Variants in PRKCB observed in about 807,000 individuals in gnomAD.
PRKCB encodes the protein protein kinase C beta, also known as protein kinase C beta type.
PRKCB carries 13 observed loss-of-function variants against 81.5 expected under a neutral mutation model. The ratio of observed to expected loss-of-function variants is 0.16; its 90% CI spans 0.10 to 0.25. The LOEUF is 0.25. PRKCB is among the 10% of genes least tolerant of loss of function. The probability of loss-of-function intolerance (pLI) is 1.00; values close to 1 mark genes in which losing one functional copy is unlikely to be tolerated. For missense variants in PRKCB, 509 were observed against 875.7 expected (o/e 0.58, Z 5.29); for synonymous variants, 335 against 321.4 (o/e 1.04, Z -0.45).
intron 7 of PRKCB, among the ~76,000 whole-genome samples, chr16:24,100,255 T>A (rs1966488937): frequency 6.6e-6 from 1 of 151,634 alleles, no homozygotes. Context: ...TTTTCTTAGA[T>A]CCTCTTGGCC....
chr16:24,074,446 G>A (rs577910788), intron 5 of PRKCB, among the ~76,000 whole-genome samples: 1 of 152,170 alleles, frequency 6.6e-6, no homozygotes, highest in African/African-American at 2.4e-5. Flanking sequence ...ACATCATAAG[G>A]TTCTTGTAAG....
At chr16:23,902,782 C>CT (rs2141723877) in intron 2 of PRKCB, among the ~76,000 whole-genome samples, 22 of 94,288 alleles carry the variant, frequency 2.3e-4, no homozygotes, top group African/African-American at 6.5e-4. Flanking sequence ...TCCTTCCTTC[C>CT]TCCCTCCCTC....
chr16:24,001,631 C>T lies in PRKCB; in HGVS notation c.288+13041C>T, dbSNP rs746121191. Among the ~76,000 whole-genome samples, 36 of 151,972 alleles carry T rather than the reference C, an allele frequency of 2.4e-4. No individual in the cohort carries two copies. The Middle Eastern group carries it at 0.01, about 43-fold the overall frequency. On this transcript the variant is annotated intron_variant, in intron 3 of 16. Coordinates refer to ENST00000643927, the MANE Select transcript of PRKCB (RefSeq NM_002738.7). ...TTGAAAACCAGAATAGGCAAATAAC[C>T]GAGAAAGAAATGAAAACATTATTCA... is the stretch of plus-strand genomic sequence containing the variant.
At chr16:23,981,725 T>TC (rs1964711577) in intron 2 of PRKCB, among the ~76,000 whole-genome samples, 1 of 56,698 alleles carries the variant, frequency 1.8e-5, no homozygotes. Context: ...CCCTTCCCCT[T>TC]CCCTTCCCCT....
In PRKCB at chr16:24,109,854, C is replaced by T. The variant is rs572390580; in HGVS notation, c.822-3119C>T. Among the ~76,000 whole-genome samples, 1,285 of 130,282 alleles carry T rather than the reference C, an allele frequency of 9.9e-3. 37 individuals are homozygous for T. Among genetic ancestry groups the T allele is most frequent in the African/African-American group, 0.044 (1,207 of 27,706 alleles). The allele number at this position is 130,282 out of a possible 152,430, so 85.5% of individuals were successfully genotyped here. A position where few individuals can be genotyped will look rare whatever the true frequency, so the allele number is the denominator to read the frequency against. On this transcript the variant is annotated intron_variant, in intron 7 of 16. Coordinates refer to ENST00000643927, the MANE Select transcript of PRKCB (RefSeq NM_002738.7). The stretch of plus-strand genomic sequence containing the variant: ...GTGAACGAGACTCCATCTGCAATCC[C>T]GGCACCTCAGGAGGCCGAGGCTGGT...
intron 5 of PRKCB, among the ~76,000 whole-genome samples, chr16:24,045,072 G>A (rs910789006): frequency 2.0e-5 from 3 of 152,010 alleles, no homozygotes; most frequent in Non-Finnish European, 2.9e-5. Context: ...TTTTCATTAC[G>A]TTTCACAGGT....
At chr16:24,115,489 T>A (rs1966727190) in intron 8 of PRKCB, among the ~76,000 whole-genome samples, 1 of 151,830 alleles carries the variant, frequency 6.6e-6, no homozygotes, top group African/African-American at 2.4e-5. Context: ...ATCCAAAGAG[T>A]ATCTATCCCA....
At chr16:23,900,651 CG>C (rs1963455256) in intron 2 of PRKCB, among the ~76,000 whole-genome samples, 1 of 145,018 alleles carries the variant, frequency 6.9e-6, no homozygotes, top group Non-Finnish European at 1.5e-5. Context: ...TATGTGATGA[CG>C]TATCTTAGAG....
chr16:24,216,752 T>G lies in PRKCB; in HGVS notation c.*1936T>G. ...AACTTGAAGTTCTATCTGACAAGTTTAGGCAGTAAGAGAAGGAGGGAAATC... is the reference window on the plus strand; with the variant it reads ...AACTTGAAGTTCTATCTGACAAGTTGAGGCAGTAAGAGAAGGAGGGAAATC... On this transcript the variant is annotated 3_prime_UTR_variant, in exon 17 of 17. Coordinates refer to ENST00000643927, the MANE Select transcript of PRKCB (RefSeq NM_002738.7). 1.0e-6 allele frequency: 1 copy of G among 985,484 alleles called. No homozygotes were observed. Among genetic ancestry groups the G allele is most frequent in the Non-Finnish European group, 1.2e-6 (1 of 829,942 alleles). The allele number at this position is 985,484 out of a possible 1,614,324, so 61.0% of individuals were successfully genotyped here.
At chr16:23,896,602 G>A (rs1375352815) in intron 2 of PRKCB, among the ~76,000 whole-genome samples, 1 of 152,136 alleles carries the variant, frequency 6.6e-6, no homozygotes, top group Non-Finnish European at 1.5e-5. Context: ...TTTTGTGAAG[G>A]TGACATTTAT....
At chr16:24,084,182 T>C (rs919441913) in intron 5 of PRKCB, among the ~76,000 whole-genome samples, 1 of 152,116 alleles carries the variant, frequency 6.6e-6, no homozygotes, top group African/African-American at 2.4e-5. Context: ...ATGACAGATG[T>C]AGAGAACAAA....
rs975942080 is a variant in PRKCB, at chr16:24,215,145, A to G, written c.*329A>G. 257 of 1,085,180 alleles carry G rather than the reference A, an allele frequency of 2.4e-4. No homozygotes were observed. The highest frequency in any genetic ancestry group is 2.7e-4 in the Non-Finnish European group (236 of 889,430). The allele number at this position is 1,085,180 out of a possible 1,614,324, so 67.2% of individuals were successfully genotyped here. On this transcript the variant is annotated 3_prime_UTR_variant, in exon 17 of 17. Coordinates refer to ENST00000643927, the MANE Select transcript of PRKCB (RefSeq NM_002738.7). ...TCTTTCCCTCTTTTTCTGCACTGCC[A>G]TATTCACCCCCAACCATCCAATCTG...
At chr16:23,980,408 A>G (rs1033326711) in intron 2 of PRKCB, among the ~76,000 whole-genome samples, 2 of 152,242 alleles carry the variant, frequency 1.3e-5, no homozygotes, top group Non-Finnish European at 2.9e-5. Flanking sequence ...CAAAATCTGC[A>G]TGCCAGTGGC....
At chr16:24,004,084 A>G (rs1965079972) in intron 3 of PRKCB, among the ~76,000 whole-genome samples, 1 of 152,234 alleles carries the variant, frequency 6.6e-6, no homozygotes, top group Non-Finnish European at 1.5e-5. Context: ...GATCAATATA[A>G]CAAAATATAG....
intron 2 of PRKCB, among the ~76,000 whole-genome samples, chr16:23,944,247 A>G (rs1325239383): frequency 6.6e-6 from 1 of 152,230 alleles, no homozygotes; most frequent in Non-Finnish European, 1.5e-5. Flanking sequence ...GTATCCATAA[A>G]GGTTATTTGA....
chr16:23,980,278 C>T (rs1213199001), intron 2 of PRKCB, among the ~76,000 whole-genome samples: 4 of 152,178 alleles, frequency 2.6e-5, no homozygotes, highest in Admixed American at 6.5e-5. Context: ...GGAAACAGTT[C>T]GGGAAATTGC....
intron 5 of PRKCB, among the ~76,000 whole-genome samples, chr16:24,086,440 C>T (rs1966311595): frequency 6.6e-6 from 1 of 152,142 alleles, no homozygotes; most frequent in Non-Finnish European, 1.5e-5. Flanking sequence ...TGAGGATGTC[C>T]AGCTGACCTC....
chr16:23,890,225 C>A (rs1963271754), intron 2 of PRKCB, among the ~76,000 whole-genome samples: 1 of 152,156 alleles, frequency 6.6e-6, no homozygotes, highest in Admixed American at 6.5e-5. Flanking sequence ...AGTTTTATTG[C>A]CTGAATCAAG....
At chr16:24,042,098 G>T (rs1283382865) in intron 5 of PRKCB, among the ~76,000 whole-genome samples, 2 of 151,938 alleles carry the variant, frequency 1.3e-5, no homozygotes. Flanking sequence ...TTGGTGGGGG[G>T]GTACGTGTGC....
Sources: allele counts gnomAD v4.1 joint callset (sites outside exome capture counted in the v4.1 genomes callset), GRCh38; gene constraint gnomAD v4.1.1; transcripts MANE v1.5; gene names NCBI Gene and HGNC (gene_info 2026-07-23, HGNC 2026-07-21).